The following KLF12 variants were observed in gnomAD, a reference collection of about 807,000 sequenced individuals.
KLF12 encodes Krueppel-like factor 12.
In KLF12, 9 loss-of-function variants were observed where a neutral mutation model predicts 37.8. That is an observed-to-expected ratio of 0.24 (90% CI 0.14 to 0.42). The LOEUF (loss-of-function observed/expected upper bound fraction) is 0.42, where lower values mean the gene tolerates loss of function less well. KLF12 is among the 10% of genes least tolerant of loss of function. The pLI is 1.00. For synonymous variants in KLF12, 208 were observed against 202.1 expected (o/e 1.03, Z -0.25); for missense variants, 411 against 516.0 (o/e 0.80, Z 1.97).
chr13:73,807,506 T>C (rs1346958463), intron 5 of KLF12, among the ~76,000 whole-genome samples: 1 of 152,106 alleles, frequency 6.6e-6, no homozygotes, highest in African/African-American at 2.4e-5. Context: ...AGCCATATAA[T>C]AATAAAAACA....
intron 6 of KLF12, among the ~76,000 whole-genome samples, chr13:73,740,505 G>GTTTACT (rs202064544): frequency 0.018 from 2,813 of 152,228 alleles, 70 homozygotes; most frequent in African/African-American, 0.061. Context: ...GGATCCTTTA[G>GTTTACT]TTTATTTTTA....
At chr13:74,092,665 A>C (rs1295199035) in intron 1 of KLF12, among the ~76,000 whole-genome samples, 1 of 152,078 alleles carries the variant, frequency 6.6e-6, no homozygotes, top group Admixed American at 6.5e-5. Context: ...AAGAAAAAGA[A>C]AAAGACAGCC....
At chr13:74,054,545 T>C (rs10507824) in intron 1 of KLF12, among the ~76,000 whole-genome samples, 6,807 of 147,994 alleles carry the variant, frequency 0.046, 262 homozygotes, top group African/African-American at 0.11. Flanking sequence ...AACTTCAAGA[T>C]TATCAAGTTC....
rs575870121 is a variant in KLF12 at position 74,096,160 on chromosome 13, GA to G, written c.-32+37578del. Among the ~76,000 whole-genome samples the G allele has an allele frequency of 2.6e-4, 39 of 152,288 alleles. 1 individual carries two copies. The East Asian group carries it at 6.4e-3, about 25-fold the overall frequency. ...CTTTCCCTTTTAGTTAGAAAGCTCA[GA>G]AAACTTCCATTTGAATTGCTGATAC... On this transcript the variant is annotated intron_variant, in intron 1 of 7. Coordinates refer to ENST00000377669, the MANE Select transcript of KLF12 (RefSeq NM_007249.5).
At chr13:73,852,457 T>G (rs749818625) in intron 3 of KLF12, among the ~76,000 whole-genome samples, 4 of 152,188 alleles carry the variant, frequency 2.6e-5, no homozygotes. Flanking sequence ...TCAACTGCCT[T>G]ATATCAATAT....
intron 3 of KLF12, among the ~76,000 whole-genome samples, chr13:73,891,476 C>T (rs1481077781): frequency 6.6e-6 from 1 of 152,086 alleles, no homozygotes; most frequent in African/African-American, 2.4e-5. Flanking sequence ...GTAACTCAAA[C>T]ACCTCTGCCT....
chr13:74,091,772 T>C (rs141797552), intron 1 of KLF12, among the ~76,000 whole-genome samples: 2 of 152,232 alleles, frequency 1.3e-5, no homozygotes, highest in East Asian at 1.9e-4. Context: ...CTAAAAGCTA[T>C]GAAAAGCCAA....
chr13:73,926,451 T>G (rs367654693), intron 3 of KLF12, among the ~76,000 whole-genome samples: 7 of 152,276 alleles, frequency 4.6e-5, no homozygotes, highest in African/African-American at 1.7e-4. Context: ...GCACACTTAA[T>G]AGAATACAGT....
intron 1 of KLF12, among the ~76,000 whole-genome samples, chr13:74,065,852 A>C (rs973347590): frequency 2.0e-5 from 3 of 152,004 alleles, no homozygotes; most frequent in Non-Finnish European, 4.4e-5. Context: ...GAGGATTCTA[A>C]CTGGAGTTAG....
intron 1 of KLF12, among the ~76,000 whole-genome samples, chr13:74,016,113 C>T (rs952225046): frequency 2.6e-5 from 4 of 151,484 alleles, no homozygotes; most frequent in African/African-American, 4.9e-5. Context: ...CTAAAATGAA[C>T]CAAAAGGAAA....
intron 3 of KLF12, among the ~76,000 whole-genome samples, chr13:73,876,709 A>T (rs1265278950): frequency 1.3e-5 from 2 of 152,112 alleles, no homozygotes; most frequent in African/African-American, 4.8e-5. Flanking sequence ...ATTTCTAAAA[A>T]ATGACACAGA....
chr13:73,912,073 A>G (rs1318462086), intron 3 of KLF12, among the ~76,000 whole-genome samples: 2 of 152,176 alleles, frequency 1.3e-5, no homozygotes, highest in Non-Finnish European at 2.9e-5. Flanking sequence ...TAGTTTCCAC[A>G]CAGCTTCTCA....
chr13:74,281,167 A>AT, the KLF12 span, among the ~76,000 whole-genome samples: 8 of 150,680 alleles, frequency 5.3e-5, no homozygotes, highest in Admixed American at 4.0e-4. Context: ...TCTCTTCTCT[A>AT]TTTTTTTTTA....
intron 5 of KLF12, among the ~76,000 whole-genome samples, chr13:73,780,181 G>A (rs1321983990): frequency 6.6e-6 from 1 of 152,166 alleles, no homozygotes; most frequent in African/African-American, 2.4e-5. Context: ...TATTTTATGA[G>A]CAAAGAAGCA....
upstream of KLF12, among the ~76,000 whole-genome samples, chr13:74,136,985 A>T (rs1170130866): frequency 6.6e-6 from 1 of 152,260 alleles, no homozygotes; most frequent in African/African-American, 2.4e-5. Flanking sequence ...TTGAAATAAT[A>T]CAAAGCATGG....
intron 2 of KLF12, among the ~76,000 whole-genome samples, chr13:73,964,991 G>A (rs1351877275): frequency 6.6e-6 from 1 of 152,178 alleles, no homozygotes; most frequent in East Asian, 1.9e-4. Context: ...TGCAAAAAAG[G>A]TAGCAGCTCC....
At chr13:74,235,919 T>A in the KLF12 span, among the ~76,000 whole-genome samples, 20 of 143,010 alleles carry the variant, frequency 1.4e-4, no homozygotes, top group East Asian at 9.1e-4. Flanking sequence ...TTAATTTTTT[T>A]ATTTTTTTAG....
intron 2 of KLF12, among the ~76,000 whole-genome samples, chr13:73,954,213 T>C (rs1210589464): frequency 6.6e-6 from 1 of 151,944 alleles, no homozygotes; most frequent in African/African-American, 2.4e-5. Context: ...CTCCTGACTT[T>C]GTGATCCGCC....
chr13:74,283,855 A>C, the KLF12 span, among the ~76,000 whole-genome samples: 1 of 124,256 alleles, frequency 8.0e-6, no homozygotes, highest in Non-Finnish European at 1.7e-5. Context: ...AGTATGTATA[A>C]ATCTTTTTTT....
Sources: allele counts gnomAD v4.1 joint callset (sites outside exome capture counted in the v4.1 genomes callset), GRCh38; gene constraint gnomAD v4.1.1; transcripts MANE v1.5; gene names NCBI Gene and HGNC (gene_info 2026-07-23, HGNC 2026-07-21).